CTBP2: variants seen among roughly 807,000 people sequenced by gnomAD.
CTBP2 encodes C-terminal-binding protein 2.
Under a neutral mutation model 80.3 loss-of-function variants are expected in CTBP2, and 30 were observed. That is an observed-to-expected ratio of 0.37 (90% CI 0.28 to 0.51). The LOEUF is 0.51. Among genes scored for constraint, CTBP2 ranks in the 20% least tolerant of loss-of-function variants. CTBP2 has a pLI of 0.93. For synonymous variants in CTBP2, 594 were observed against 587.4 expected (o/e 1.01, Z -0.16); for missense variants, 1,212 against 1,375.3 (o/e 0.88, Z 1.88).
At chr10:124,993,378 T>TCC in intron 6 of CTBP2, 49 bp from the exon 9 acceptor site, 2 of 1,574,650 alleles carry the variant, frequency 1.3e-6, no homozygotes, top group South Asian at 2.3e-5. Flanking sequence ...TCGCATACGC[T>TCC]CCCTGCCCTC....
chr10:125,150,441 C>T (rs1031987055), intron 1 of CTBP2, among the ~76,000 whole-genome samples: 1 of 152,142 alleles, frequency 6.6e-6, no homozygotes, highest in Non-Finnish European at 1.5e-5. Flanking sequence ...GGAGAAACAG[C>T]TTGGGAGGAA....
chr10:124,992,102 A>C (rs144619397), intron 8 of CTBP2, among the ~76,000 whole-genome samples: 32 of 152,146 alleles, frequency 2.1e-4, no homozygotes, highest in Admixed American at 1.2e-3. Context: ...AGTTGACTGT[A>C]CCAGAATGCC....
chr10:125,132,797 C>CTGAA (rs1157890989), intron 1 of CTBP2, among the ~76,000 whole-genome samples: 1 of 152,212 alleles, frequency 6.6e-6, no homozygotes, highest in Non-Finnish European at 1.5e-5. Context: ...AGATGATGTA[C>CTGAA]TGAAATATCA....
In CTBP2 at chr10:124,992,769, G is replaced by T; in HGVS notation, c.2703C>A (p.Phe901Leu). 6.2e-7 allele frequency: 1 copy of T among 1,611,146 alleles called. No individual in the cohort carries two copies. The highest frequency in any genetic ancestry group is 1.3e-5 in the African/African-American group (1 of 75,010). ...CTGACCAAGGCGCTGATGTGACAAAGAATTCCTTGTTCACACAATTTCTTA... is the reference window on the plus strand; with the variant it reads ...CTGACCAAGGCGCTGATGTGACAAATAATTCCTTGTTCACACAATTTCTTA... The change falls in exon 8 of 9, where the codon TTC becomes TTA. Residue 901 changes from phenylalanine (F) to leucine (L), a missense_variant. By Grantham distance (22) the Phe-to-Leu change is conservative (BLOSUM62 0). Around this residue, in one of 3 missense-constraint regions of CTBP2, gnomAD observed 335 missense variants for 504.7 expected, o/e 0.66. Transcript: ENST00000309035.
chr10:125,052,640 GC>G (rs1963044220), intron 2 of CTBP2, among the ~76,000 whole-genome samples: 1 of 152,202 alleles, frequency 6.6e-6, no homozygotes, highest in Non-Finnish European at 1.5e-5. Flanking sequence ...TATCAAGAAC[GC>G]CCTTGGGGTC....
chr10:125,036,702 TG>T (rs1479448585), intron 3 of CTBP2, among the ~76,000 whole-genome samples: 4 of 108,884 alleles, frequency 3.7e-5, no homozygotes, highest in South Asian at 3.7e-4. Flanking sequence ...TGTGTGTGTG[TG>T]TGTGTGTGTG....
At chr10:125,003,171 GC>G in intron 2 of CTBP2, 67 bp from the exon 5 acceptor site, 6 of 1,603,480 alleles carry the variant, frequency 3.7e-6, no homozygotes, top group Non-Finnish European at 5.1e-6. Flanking sequence ...ACTTGGCCTG[GC>G]CCCCTGGCCC....
intron 2 of CTBP2, among the ~76,000 whole-genome samples, chr10:125,078,038 T>C (rs112612788): frequency 0.086 from 13,132 of 152,180 alleles, 598 homozygotes; most frequent in Middle Eastern, 0.17. Flanking sequence ...CCCAGCACTT[T>C]GGGAGGCCAA....
At position 124,998,544 on chromosome 10, in the gene CTBP2, C is replaced by G. The variant is rs1403786255; in HGVS notation, c.1979-374G>C. Reference sequence around the variant, plus strand: ...TCAGACCAGACTCCTCCAAGTGGACCCCACTCAGCCTCAAACCCCTCAGGG... The same window carrying G: ...TCAGACCAGACTCCTCCAAGTGGACGCCACTCAGCCTCAAACCCCTCAGGG... On this transcript the variant is annotated intron_variant, in intron 3 of 8. Coordinates refer to ENST00000309035, the MANE Select transcript of CTBP2 (RefSeq NM_022802.3). 3.5e-5 allele frequency: 11 copies of G among 313,616 alleles called. No homozygotes were observed. The Admixed American group carries it at 4.3e-4, about 12-fold the overall frequency. 19.4% of individuals were successfully genotyped at this position (313,616 alleles called of 1,614,324 possible).
chr10:125,153,514 C>T (rs1320466193), intron 1 of CTBP2, among the ~76,000 whole-genome samples: 1 of 152,200 alleles, frequency 6.6e-6, no homozygotes, highest in Non-Finnish European at 1.5e-5. Flanking sequence ...AACTCCTGGC[C>T]TTTCACCCCC....
At chr10:125,050,146 TAC>T (rs1962365889) in intron 2 of CTBP2, among the ~76,000 whole-genome samples, 1 of 152,240 alleles carries the variant, frequency 6.6e-6, no homozygotes, top group Non-Finnish European at 1.5e-5. Context: ...TGAGGGCAGA[TAC>T]TCTATGCCTG....
chr10:125,046,309 G>A (rs141269610), intron 2 of CTBP2, among the ~76,000 whole-genome samples: 1 of 152,218 alleles, frequency 6.6e-6, no homozygotes, highest in East Asian at 1.9e-4. Context: ...GGCCAAGGAG[G>A]GTGGATCACA....
chr10:125,138,323 C>G (rs372119625), intron 1 of CTBP2: 2 of 152,294 alleles, frequency 1.3e-5, no homozygotes, highest in East Asian at 3.9e-4. Context: ...CGAGACTATC[C>G]CAAGCAACAC....
At chr10:125,036,631 T>C (rs757999362) in intron 3 of CTBP2, among the ~76,000 whole-genome samples, 1 of 151,212 alleles carries the variant, frequency 6.6e-6, no homozygotes, top group African/African-American at 2.4e-5. Context: ...AAGTAGTTGA[T>C]AGAATAGAAA....
At chr10:124,995,018 G>A (rs1049821613) in intron 4 of CTBP2, among the ~76,000 whole-genome samples, 1 of 152,090 alleles carries the variant, frequency 6.6e-6, no homozygotes, top group Non-Finnish European at 1.5e-5. Flanking sequence ...ATCACCACCC[G>A]TGTCCTCCGT....
At chr10:125,142,773 C>T (rs1247352005) in intron 1 of CTBP2, among the ~76,000 whole-genome samples, 1 of 152,156 alleles carries the variant, frequency 6.6e-6, no homozygotes, top group East Asian at 1.9e-4. Flanking sequence ...CCCCACCAGG[C>T]TTCCTTGAAA....
intron 1 of CTBP2, among the ~76,000 whole-genome samples, chr10:125,121,984 G>A (rs910581297): frequency 6.6e-6 from 1 of 152,152 alleles, no homozygotes; most frequent in Non-Finnish European, 1.5e-5. Flanking sequence ...ACCAACCTGC[G>A]GCCCACCCTA....
At chr10:125,154,376 A>G (rs895245448) in intron 1 of CTBP2, among the ~76,000 whole-genome samples, 1 of 152,180 alleles carries the variant, frequency 6.6e-6, no homozygotes, top group African/African-American at 2.4e-5. Context: ...CCCATCCTTT[A>G]AACACCAACC....
At chr10:124,992,080 T>G (rs1358210482) in intron 8 of CTBP2, among the ~76,000 whole-genome samples, 1 of 152,218 alleles carries the variant, frequency 6.6e-6, no homozygotes, top group Non-Finnish European at 1.5e-5. Flanking sequence ...CTGAGTTGAT[T>G]GTACTATCCT....
Sources: allele counts gnomAD v4.1 joint callset (sites outside exome capture counted in the v4.1 genomes callset), GRCh38; gene constraint gnomAD v4.1.1; regional missense constraint gnomAD v4.1.1; transcripts MANE v1.5; gene names NCBI Gene and HGNC (gene_info 2026-07-23, HGNC 2026-07-21).